The following PLXNA4 variants were observed in gnomAD, a reference collection of about 807,000 sequenced individuals.
PLXNA4 encodes the protein plexin-A4.
In PLXNA4, 44 loss-of-function variants were observed where a neutral mutation model predicts 191.8. The ratio of observed to expected loss-of-function variants is 0.23; its 90% CI spans 0.18 to 0.29. PLXNA4 has a LOEUF of 0.29. Among genes scored for constraint, PLXNA4 ranks in the 10% least tolerant of loss-of-function variants. PLXNA4 has a pLI of 1.00. For missense variants in PLXNA4, 1,800 were observed against 2,488.8 expected (o/e 0.72, Z 5.89); for synonymous variants, 1,082 against 1,009.5 (o/e 1.07, Z -1.36).
At chr7:132,153,872 G>T (rs111756604) in intron 25 of PLXNA4, among the ~76,000 whole-genome samples, 180 of 152,222 alleles carry the variant, frequency 1.2e-3, no homozygotes, top group Non-Finnish European at 2.1e-3. Context: ...ACCAGGCTGG[G>T]GACCCTTCAG....
chr7:132,452,421 G>A (rs574120702), intron 3 of PLXNA4, among the ~76,000 whole-genome samples: 1 of 152,284 alleles, frequency 6.6e-6, no homozygotes, highest in South Asian at 2.1e-4. Context: ...GAGCTCAGAA[G>A]GCCAGGAAAA....
chr7:132,494,801 T>G (rs993750171), intron 2 of PLXNA4, among the ~76,000 whole-genome samples: 11 of 152,146 alleles, frequency 7.2e-5, no homozygotes, highest in African/African-American at 2.7e-4. Flanking sequence ...CTCTATCATC[T>G]CCATGAAAAG....
At chr7:132,475,264 G>T (rs999293499) in intron 3 of PLXNA4, among the ~76,000 whole-genome samples, 5 of 152,108 alleles carry the variant, frequency 3.3e-5, no homozygotes, top group African/African-American at 7.2e-5. Context: ...TGACAGAATG[G>T]TTGCCGTGAC....
At chr7:132,216,583 G>T (rs1418767434) in intron 9 of PLXNA4, among the ~76,000 whole-genome samples, 3 of 152,142 alleles carry the variant, frequency 2.0e-5, no homozygotes, top group Non-Finnish European at 2.9e-5. Flanking sequence ...TGGTTAACTT[G>T]GTACAAGCAT....
Position 132,149,176 on chromosome 7 carries a change from T to G in PLXNA4, c.4661-530A>C, listed in dbSNP as rs1467904439. Among the ~76,000 whole-genome samples the G allele has an allele frequency of 2.0e-5, 3 of 151,728 alleles. No individual in the cohort carries two copies. In the East Asian group the frequency reaches 5.8e-4, roughly 29 times the overall value. The stretch of plus-strand genomic sequence containing the variant: ...TTGTCAGGGAGATTGGGTCAAAGAG[T>G]GTGGAAAAAATCAGCAAAACCCATT... On this transcript the variant is annotated intron_variant, in intron 25 of 31. Transcript: ENST00000321063.
chr7:132,282,836 T>C (rs568934424), intron 4 of PLXNA4, among the ~76,000 whole-genome samples: 1 of 152,088 alleles, frequency 6.6e-6, no homozygotes, highest in African/African-American at 2.4e-5. Context: ...CCTAGATTAT[T>C]GTGAAGTTGG....
intron 2 of PLXNA4, among the ~76,000 whole-genome samples, chr7:132,640,308 A>G (rs867732418): frequency 2.0e-5 from 3 of 152,222 alleles, no homozygotes; most frequent in Non-Finnish European, 4.4e-5. Flanking sequence ...TTCAATTGGT[A>G]GGAGAAACTT....
At chr7:132,580,870 T>G (rs544825030), upstream of PLXNA4, among the ~76,000 whole-genome samples, 13 of 152,234 alleles carry the variant, frequency 8.5e-5, no homozygotes, top group South Asian at 8.3e-4. Context: ...AGGCAGGCAG[T>G]CAGCAGCTTA....
At chr7:132,378,103 G>A (rs753625488) in intron 3 of PLXNA4, among the ~76,000 whole-genome samples, 1 of 152,110 alleles carries the variant, frequency 6.6e-6, no homozygotes, top group South Asian at 2.1e-4. Flanking sequence ...AACCATCTAT[G>A]CTATTCCCCA....
At chr7:132,171,662 C>T (rs1796290558) in intron 21 of PLXNA4, among the ~76,000 whole-genome samples, 4 of 152,262 alleles carry the variant, frequency 2.6e-5, no homozygotes. Context: ...AATGCATATG[C>T]CTCCTGGGAA....
At chr7:132,580,123 G>C (rs1236692418), upstream of PLXNA4, among the ~76,000 whole-genome samples, 2 of 152,092 alleles carry the variant, frequency 1.3e-5, no homozygotes, top group Non-Finnish European at 2.9e-5. Context: ...TCTTATTAAT[G>C]TGCTTTGAAA....
intron 9 of PLXNA4, among the ~76,000 whole-genome samples, chr7:132,217,037 G>T (rs1234345101): frequency 1.3e-5 from 2 of 152,202 alleles, no homozygotes; most frequent in Non-Finnish European, 2.9e-5. Context: ...ATGCAGGGGG[G>T]TGAGAAGTGG....
chr7:132,463,615 C>A (rs1178394511), intron 3 of PLXNA4, among the ~76,000 whole-genome samples: 1 of 152,220 alleles, frequency 6.6e-6, no homozygotes, highest in East Asian at 1.9e-4. Flanking sequence ...TGTCCCCTTC[C>A]TTCTGGAAGT....
intron 30 of PLXNA4, among the ~76,000 whole-genome samples, chr7:132,133,687 T>C (rs6965681): frequency 0.18 from 27,999 of 152,106 alleles, 5,891 homozygotes; most frequent in African/African-American, 0.52. Context: ...GAGAGACTGG[T>C]AGAAGGCAAT....
At chr7:132,203,847 A>G (rs570664721) in intron 10 of PLXNA4, among the ~76,000 whole-genome samples, 1 of 152,294 alleles carries the variant, frequency 6.6e-6, no homozygotes, top group South Asian at 2.1e-4. Context: ...CAAGTCTGCA[A>G]TTAGATTGGG....
chr7:132,242,886 G>C (rs1400160687), intron 4 of PLXNA4, among the ~76,000 whole-genome samples: 1 of 152,078 alleles, frequency 6.6e-6, no homozygotes, highest in African/African-American at 2.4e-5. Context: ...CCCTCTTTCT[G>C]TTGCGTCTTT....
At chr7:132,246,078 A>AT (rs560836274) in intron 4 of PLXNA4, among the ~76,000 whole-genome samples, 1 of 152,170 alleles carries the variant, frequency 6.6e-6, no homozygotes, top group Admixed American at 6.5e-5. Context: ...AACACTGTGA[A>AT]TTTTTTTATG....
intron 3 of PLXNA4, among the ~76,000 whole-genome samples, chr7:132,427,516 GGGGGCCC>G (rs1795091555): frequency 2.0e-5 from 3 of 152,188 alleles, no homozygotes; most frequent in Non-Finnish European, 2.9e-5. Flanking sequence ...TGACAATTGT[GGGGGCCC>G]TCACCTCCAC....
rs1795443938 is a variant in PLXNA4, at chr7:132,146,674, G to T, written c.4891C>A (p.Pro1631Thr). Residue 1631 changes from proline to threonine, a missense_variant, in exon 28 of 32, where the codon CCC becomes ACC. By Grantham distance (38) the Pro-to-Thr change is conservative. Transcript: ENST00000321063. ...YENMIRYTGS[P>T]DSLRSRTPMI... ...GGTGTCCGTGAGCGGAGGCTGTCGG[G>T]GCTGCCCGTGTACCGGATCATGTTT... 1 of 1,614,058 alleles carries T rather than the reference G, an allele frequency of 6.2e-7. No individual in the cohort carries two copies. The highest frequency in any genetic ancestry group is 1.7e-5 in the Admixed American group (1 of 60,004).
Sources: gnomAD v4.1 joint callset for allele counts (sites outside exome capture counted in the v4.1 genomes callset) on GRCh38, gnomAD v4.1.1 for gene constraint, MANE v1.5 for transcripts, NCBI Gene and HGNC (gene_info 2026-07-23, HGNC 2026-07-21) for gene names.